The following CCDC30 variants were observed in gnomAD, a reference collection of about 807,000 sequenced individuals.
The protein encoded by CCDC30 is coiled-coil domain containing 30, also known as coiled-coil domain-containing protein 30.
Under a neutral mutation model 100.2 loss-of-function variants are expected in CCDC30, and 70 were observed. That is an observed-to-expected ratio of 0.70 (90% CI 0.58 to 0.85). The LOEUF (loss-of-function observed/expected upper bound fraction) is 0.85, where lower values mean the gene tolerates loss of function less well. Ranked by LOEUF, CCDC30 falls within the 40% of genes least tolerant of loss-of-function variation. The probability of loss-of-function intolerance (pLI) is 0.00; values close to 1 mark genes in which losing one functional copy is unlikely to be tolerated. For synonymous variants in CCDC30, 233 were observed against 269.5 expected (o/e 0.86, Z 1.33); for missense variants, 652 against 771.2 (o/e 0.85, Z 1.83).
intron 9 of CCDC30, among the ~76,000 whole-genome samples, chr1:42,583,894 A>T (rs1646016893): frequency 6.6e-6 from 1 of 152,232 alleles, no homozygotes; most frequent in Admixed American, 6.5e-5. Context: ...AAGCCATGTC[A>T]GTTCTTGCTG....
At chr1:42,538,670 G>T (rs1478305076) in intron 6 of CCDC30, among the ~76,000 whole-genome samples, 1 of 152,170 alleles carries the variant, frequency 6.6e-6, no homozygotes, top group Admixed American at 6.5e-5. Context: ...TATGGATTTG[G>T]AATCTCAGCT....
At chr1:42,542,866 A>G (rs899862449) in intron 6 of CCDC30, 3 of 152,720 alleles carry the variant, frequency 2.0e-5, no homozygotes, top group African/African-American at 7.3e-5. Flanking sequence ...ATTTTTCTTT[A>G]ATAAAGACAG....
chr1:42,465,425 C>T (rs534712809), intron 1 of CCDC30, among the ~76,000 whole-genome samples: 35 of 152,244 alleles, frequency 2.3e-4, no homozygotes, highest in Non-Finnish European at 4.3e-4. Flanking sequence ...ATTGCAATGG[C>T]GCGATCTTGG....
intron 7 of CCDC30, among the ~76,000 whole-genome samples, chr1:42,575,374 G>T (rs1333134641): frequency 1.3e-5 from 2 of 151,942 alleles, no homozygotes; most frequent in African/African-American, 4.8e-5. Flanking sequence ...TCTTGGCTGG[G>T]TGCGGTGGCT....
chr1:42,557,498 AG>A (rs1645392982), intron 6 of CCDC30, among the ~76,000 whole-genome samples: 1 of 151,830 alleles, frequency 6.6e-6, no homozygotes, highest in Non-Finnish European at 1.5e-5. Context: ...ATATTTTCTT[AG>A]CCAGTAGTCT....
intron 10 of CCDC30, among the ~76,000 whole-genome samples, chr1:42,603,957 C>T (rs1162799467): frequency 6.6e-6 from 1 of 152,214 alleles, no homozygotes; most frequent in Non-Finnish European, 1.5e-5. Flanking sequence ...TAGTGGCTCA[C>T]ACCTGTAATT....
chr1:42,562,371 A>G (rs1429029682), intron 6 of CCDC30, among the ~76,000 whole-genome samples: 1 of 152,224 alleles, frequency 6.6e-6, no homozygotes, highest in Non-Finnish European at 1.5e-5. Context: ...TCTCCTATTC[A>G]GTAAATGGTG....
intron 6 of CCDC30, among the ~76,000 whole-genome samples, chr1:42,554,557 G>A (rs1021700783): frequency 1.1e-4 from 13 of 113,870 alleles, no homozygotes; most frequent in East Asian, 2.8e-4. Context: ...GATTACAGAC[G>A]TGAGCCACCA....
intron 12 of CCDC30, among the ~76,000 whole-genome samples, chr1:42,641,960 TCACGCCTGTAATCC>T (rs1335158313): frequency 6.6e-6 from 1 of 152,148 alleles, no homozygotes; most frequent in Admixed American, 6.5e-5. Flanking sequence ...GCATGGTGGC[TCACGCCTGTAATCC>T]CAGCAATTTG....
At chr1:42,573,848 AT>A (rs146495029) in intron 7 of CCDC30, among the ~76,000 whole-genome samples, 6 of 152,064 alleles carry the variant, frequency 3.9e-5, no homozygotes, top group Non-Finnish European at 8.8e-5. Flanking sequence ...AATTTCATAA[AT>A]TTTTTTCTGA....
At chr1:42,501,130 T>C (rs1479144060) in intron 6 of CCDC30, among the ~76,000 whole-genome samples, 1 of 152,226 alleles carries the variant, frequency 6.6e-6, no homozygotes, top group African/African-American at 2.4e-5. Context: ...ATGTTTCTTA[T>C]ACTTTCTTCT....
downstream of CCDC30, among the ~76,000 whole-genome samples, chr1:42,657,190 A>G (rs1445527608): frequency 6.6e-6 from 1 of 152,256 alleles, no homozygotes; most frequent in Non-Finnish European, 1.5e-5. Flanking sequence ...GTTATATTGA[A>G]TGAGCCTTGC....
At chr1:42,545,808 A>G (rs1349969786) in intron 6 of CCDC30, among the ~76,000 whole-genome samples, 1 of 151,796 alleles carries the variant, frequency 6.6e-6, no homozygotes, top group Non-Finnish European at 1.5e-5. Flanking sequence ...GCCTGGCATG[A>G]TGATGTGTGT....
chr1:42,634,260 A>C (rs879620334), intron 11 of CCDC30, among the ~76,000 whole-genome samples: 34,506 of 150,964 alleles, frequency 0.23, 4,535 homozygotes, highest in Non-Finnish European at 0.27. Flanking sequence ...AAAAAAAAAA[A>C]AAAAAAAAAA....
At chr1:42,489,179 T>C (rs1644097662) in intron 3 of CCDC30, among the ~76,000 whole-genome samples, 1 of 152,228 alleles carries the variant, frequency 6.6e-6, no homozygotes, top group African/African-American at 2.4e-5. Flanking sequence ...TTTGGCTCAG[T>C]GTAAACAGAC....
At chr1:42,527,986 C>A (rs1322251626) in intron 6 of CCDC30, among the ~76,000 whole-genome samples, 1 of 152,158 alleles carries the variant, frequency 6.6e-6, no homozygotes, top group Non-Finnish European at 1.5e-5. Flanking sequence ...CTGCCTCAGC[C>A]TCCCGAGTAG....
intron 1 of CCDC30, among the ~76,000 whole-genome samples, chr1:42,466,005 C>T (rs1204889455): frequency 6.6e-6 from 1 of 152,132 alleles, no homozygotes; most frequent in East Asian, 1.9e-4. Context: ...TACATTGCTA[C>T]AGTGTTTTCA....
In CCDC30 at chr1:42,620,956, T is replaced by C. The variant is rs1394629365; in HGVS notation, c.1277+9866T>C. 2.4e-4 allele frequency among the ~76,000 whole-genome samples: 37 copies of C among 152,140 alleles called. 1 individual carries two copies. The highest frequency in any genetic ancestry group is 2.4e-3 in the Admixed American group (37 of 15,280). ...TAGAAGTCCCCCAAACCCAGTCCTTTTGGGCTTTTTTGAAAGTTTCATGAG... is the reference window on the plus strand; with the variant it reads ...TAGAAGTCCCCCAAACCCAGTCCTTCTGGGCTTTTTTGAAAGTTTCATGAG... On this transcript the variant is annotated intron_variant, in intron 11 of 16. Transcript: ENST00000668663.
At chr1:42,575,711 G>A (rs774193530) in intron 7 of CCDC30, among the ~76,000 whole-genome samples, 1 of 151,004 alleles carries the variant, frequency 6.6e-6, no homozygotes, top group African/African-American at 2.4e-5. Context: ...TTTAAAGTGG[G>A]GAAAGGGGAT....
Sources: allele counts gnomAD v4.1 joint callset (sites outside exome capture counted in the v4.1 genomes callset), GRCh38; gene constraint gnomAD v4.1.1; transcripts MANE v1.5; gene names NCBI Gene and HGNC (gene_info 2026-07-23, HGNC 2026-07-21).